NSUN3: variants seen among roughly 807,000 people sequenced by gnomAD.
NSUN3 encodes tRNA (cytosine(34)-C(5))-methyltransferase, mitochondrial.
In NSUN3, 24 loss-of-function variants were observed where a neutral mutation model predicts 36.8. The ratio of observed to expected loss-of-function variants is 0.65; its 90% confidence interval spans 0.47 to 0.92. NSUN3 has a LOEUF of 0.92. Ranked by LOEUF, NSUN3 falls within the 40% of genes least tolerant of loss-of-function variation. The pLI is 0.00. For synonymous variants in NSUN3, 146 were observed against 145.2 expected (o/e 1.01, Z -0.04); for missense variants, 381 against 392.8 (o/e 0.97, Z 0.25).
At chr3:94,123,632 C>T (rs779453261) in intron 5 of NSUN3, among the ~76,000 whole-genome samples, 1 of 152,074 alleles carries the variant, frequency 6.6e-6, no homozygotes, top group African/African-American at 2.4e-5. Context: ...CTCTCCACCC[C>T]CTCCTCTTAA....
intron 5 of NSUN3, among the ~76,000 whole-genome samples, chr3:94,109,991 T>C (rs1041546423): frequency 4.6e-5 from 7 of 152,216 alleles, no homozygotes; most frequent in Non-Finnish European, 8.8e-5. Context: ...TGAAATAGCA[T>C]GTACTCTTTT....
At chr3:94,084,079 C>G (rs759688854) in intron 2 of NSUN3, 28 bp from the exon 3 acceptor site, 2 of 1,500,804 alleles carry the variant, frequency 1.3e-6, no homozygotes, top group Non-Finnish European at 1.8e-6. Flanking sequence ...TATTAATATT[C>G]TCTTATTTTC....
At chr3:94,098,141 C>G (rs890426952) in intron 5 of NSUN3, among the ~76,000 whole-genome samples, 1 of 152,144 alleles carries the variant, frequency 6.6e-6, no homozygotes, top group Non-Finnish European at 1.5e-5. Flanking sequence ...GTAAATGCCA[C>G]GCCACCATAT....
At chr3:94,069,841 C>T (rs373025596) in intron 2 of NSUN3, among the ~76,000 whole-genome samples, 1 of 152,126 alleles carries the variant, frequency 6.6e-6, no homozygotes, top group African/African-American at 2.4e-5. Flanking sequence ...AGTCAAGGCT[C>T]CCATATAAAT....
chr3:94,097,408 A>G (rs1365716694), intron 5 of NSUN3, among the ~76,000 whole-genome samples: 1 of 151,206 alleles, frequency 6.6e-6, no homozygotes, highest in African/African-American at 2.4e-5. Flanking sequence ...TTCCATGTAG[A>G]TCTACTTTGT....
chr3:94,118,836 A>G (rs781389792), intron 5 of NSUN3, among the ~76,000 whole-genome samples: 2 of 151,854 alleles, frequency 1.3e-5, no homozygotes. Flanking sequence ...GCCAAAGTTT[A>G]TTAGTATTAT....
At chr3:94,082,555 T>G (rs578101248) in intron 2 of NSUN3, among the ~76,000 whole-genome samples, 8 of 152,182 alleles carry the variant, frequency 5.3e-5, no homozygotes, top group Non-Finnish European at 1.2e-4. Flanking sequence ...CATGGCACGC[T>G]TCCAGTCGCA....
At chr3:94,085,160 A>T (rs977864674) in intron 3 of NSUN3, 1 of 152,204 alleles carries the variant, frequency 6.6e-6, no homozygotes, top group Non-Finnish European at 1.5e-5. Flanking sequence ...CAATCCAAAA[A>T]GTCTTTTCAA....
chr3:94,102,744 A>T (rs2077371139), intron 5 of NSUN3, among the ~76,000 whole-genome samples: 1 of 152,190 alleles, frequency 6.6e-6, no homozygotes, highest in Non-Finnish European at 1.5e-5. Context: ...AGCCATCCAA[A>T]GCTATAATTT....
intron 5 of NSUN3, among the ~76,000 whole-genome samples, chr3:94,110,735 T>TACACACAC (rs145414941): frequency 5.6e-5 from 8 of 143,076 alleles, no homozygotes; most frequent in African/African-American, 1.3e-4. Context: ...TATACATGTA[T>TACACACAC]ACACACACAC....
At chr3:94,065,238 TGAG>T (rs1373548918) in intron 2 of NSUN3, among the ~76,000 whole-genome samples, 1 of 152,068 alleles carries the variant, frequency 6.6e-6, no homozygotes, top group Non-Finnish European at 1.5e-5. Flanking sequence ...ATGGGAGAAG[TGAG>T]GAGATGGGTG....
intron 1 of NSUN3, 160 bp from the exon 2 acceptor site, chr3:94,064,277 T>G: frequency 1.7e-6 from 1 of 577,422 alleles, no homozygotes; most frequent in Non-Finnish European, 3.1e-6. Context: ...CATAATTAGA[T>G]AATGTACAGT....
chr3:94,072,271 C>A (rs548546532), intron 2 of NSUN3, among the ~76,000 whole-genome samples: 1 of 152,272 alleles, frequency 6.6e-6, no homozygotes, highest in South Asian at 2.1e-4. Flanking sequence ...GGAATCACTT[C>A]TGTTAGACTT....
intron 5 of NSUN3, among the ~76,000 whole-genome samples, chr3:94,103,009 C>T (rs900629797): frequency 6.6e-6 from 1 of 152,086 alleles, no homozygotes; most frequent in African/African-American, 2.4e-5. Flanking sequence ...GCCTCAGCCT[C>T]TCGAGTAGCT....
Position 94,084,353 on chromosome 3 carries a change from A to G in NSUN3, c.369A>G (p.Pro123=), listed in dbSNP as rs949025599. 3.7e-6 allele frequency: 6 copies of G among 1,614,026 alleles called. No individual in the cohort carries two copies. The highest frequency in any genetic ancestry group is 1.3e-5 in the African/African-American group (1 of 74,914). The change falls in exon 3 of 6, where the codon CCA becomes CCG. Residue 123 remains proline (P), a synonymous_variant. Transcript: ENST00000314622. ...YYLLNAASLL[P]VLALELRDGE... ...TCCTAAATGCTGCTTCTCTTCTCCC[A>G]GTGTTGGCTCTGGAATTAAGGGATG...
At chr3:94,119,106 GA>G (rs1281674548) in intron 5 of NSUN3, among the ~76,000 whole-genome samples, 1 of 152,124 alleles carries the variant, frequency 6.6e-6, no homozygotes, top group Non-Finnish European at 1.5e-5. Flanking sequence ...AATTGTTATG[GA>G]AGCAGATGAT....
intron 2 of NSUN3, 26 bp from the exon 3 acceptor site, chr3:94,084,081 C>A (rs933391691): frequency 6.6e-7 from 1 of 1,526,520 alleles, no homozygotes; most frequent in Admixed American, 1.7e-5. Context: ...TTAATATTCT[C>A]TTATTTTCTC....
rs755424984 is a variant in NSUN3 at position 94,064,785 on chromosome 3, G to A, written c.122+239G>A. ...ACAAATTGTTACGCCTTTGCTTTGA[G>A]CAATTACTTTGATCCTTGAAATAGG... On this transcript the variant is annotated intron_variant, in intron 2 of 5. Transcript: ENST00000314622. 1.6e-4 allele frequency among the ~76,000 whole-genome samples: 24 copies of A among 152,108 alleles called. 1 individual carries two copies. Among genetic ancestry groups the A allele is most frequent in the Non-Finnish European group, 2.9e-4 (20 of 68,022 alleles).
intron 5 of NSUN3, among the ~76,000 whole-genome samples, chr3:94,103,965 T>C (rs1349858022): frequency 6.6e-6 from 1 of 152,164 alleles, no homozygotes; most frequent in Non-Finnish European, 1.5e-5. Flanking sequence ...CTCATAAACA[T>C]GTAGATAATT....
Sources: allele counts gnomAD v4.1 joint callset (sites outside exome capture counted in the v4.1 genomes callset), GRCh38; gene constraint gnomAD v4.1.1; transcripts MANE v1.5; gene names NCBI Gene and HGNC (gene_info 2026-07-23, HGNC 2026-07-21).